The following GUCY2C variants were observed in gnomAD, a reference collection of about 807,000 sequenced individuals.
GUCY2C encodes the protein guanylyl cyclase C.
A neutral mutation model predicts 131.1 loss-of-function variants in GUCY2C; 118 were observed. The ratio of observed to expected loss-of-function variants is 0.90; its 90% CI spans 0.78 to 1.05. The LOEUF (loss-of-function observed/expected upper bound fraction) is 1.05, where lower values mean the gene tolerates loss of function less well. GUCY2C is among the 50% of genes least tolerant of loss of function. GUCY2C has a pLI of 0.00. For synonymous variants in GUCY2C, 452 were observed against 457.8 expected, an observed-to-expected ratio of 0.99 and a Z score of 0.16; for missense variants, 1,161 against 1,304.4, an observed-to-expected ratio of 0.89 and a Z score of 1.69.
intron 8 of GUCY2C, among the ~76,000 whole-genome samples, chr12:14,674,073 A>G (rs1948173181): frequency 6.6e-6 from 1 of 152,226 alleles, no homozygotes; most frequent in East Asian, 1.9e-4. Context: ...TTACATTTAG[A>G]GGAAAATTTC....
In GUCY2C at chr12:14,661,888, G is replaced by C. The variant is rs533901665; in HGVS notation, c.1283-826C>G. ...TGGGATTTTATTTACTAGAACACTAGTGGGTGGGTGGAGTTGTATAGATGG... is the reference window on the plus strand; with the variant it reads ...TGGGATTTTATTTACTAGAACACTACTGGGTGGGTGGAGTTGTATAGATGG... On this transcript the variant is annotated intron_variant, in intron 10 of 26. Transcript: ENST00000261170. 3.3e-5 allele frequency among the ~76,000 whole-genome samples: 5 copies of C among 152,292 alleles called. No individual in the cohort carries two copies. In the South Asian group the frequency reaches 1.0e-3, roughly 32 times the overall value.
At chr12:14,631,137 T>C (rs1947134680) in intron 19 of GUCY2C, among the ~76,000 whole-genome samples, 1 of 152,184 alleles carries the variant, frequency 6.6e-6, no homozygotes, top group South Asian at 2.1e-4. Context: ...CATCTGGCAG[T>C]GTCTTTGTAA....
rs779177049 is a variant in GUCY2C, at chr12:14,679,668, C to T, written c.819G>A (p.Val273=). The part of the protein sequence containing the change: ...AVAEDIVIIL[V]DLFNDQYFED... ...AATGTTATACCTACTTGAAAAGATC[C>T]ACTAGAATAATGACAATGTCTTCAG... Residue 273 remains valine, a synonymous_variant, in exon 6 of 27, where the codon GTG becomes GTA. Transcript: ENST00000261170. 2 of 1,535,400 alleles carry T rather than the reference C, an allele frequency of 1.3e-6. No individual in the cohort carries two copies. Among genetic ancestry groups the T allele is most frequent in the Admixed American group, 3.3e-5 (2 of 59,850 alleles).
chr12:14,663,356 C>T (rs922453612), intron 10 of GUCY2C, among the ~76,000 whole-genome samples: 5 of 152,232 alleles, frequency 3.3e-5, no homozygotes, highest in Admixed American at 3.3e-4. Flanking sequence ...GATCTCGGCT[C>T]ACCGCAACCT....
intron 1 of GUCY2C, among the ~76,000 whole-genome samples, chr12:14,690,314 A>C (rs1427321262): frequency 6.6e-6 from 1 of 152,318 alleles, no homozygotes; most frequent in African/African-American, 2.4e-5. Flanking sequence ...TCCCAAAGCC[A>C]AAGTGAATTA....
chr12:14,672,849 T>G, intron 9 of GUCY2C, 24 bp downstream of exon 9: 2 of 1,404,274 alleles, frequency 1.4e-6, no homozygotes, highest in Non-Finnish European at 2.0e-6. Flanking sequence ...CACCCTGAAT[T>G]TTCTGATAAG....
chr12:14,671,080 C>T (rs966582376), intron 9 of GUCY2C, among the ~76,000 whole-genome samples: 1 of 151,960 alleles, frequency 6.6e-6, no homozygotes, highest in Admixed American at 6.6e-5. Context: ...TCCCACAACA[C>T]GTGGGAATTC....
intron 3 of GUCY2C, among the ~76,000 whole-genome samples, chr12:14,683,498 T>A (rs1354264773): frequency 6.6e-6 from 1 of 152,224 alleles, no homozygotes. Flanking sequence ...GTGGCTTGGT[T>A]ACTTCGATTT....
At chr12:14,621,870 A>G in intron 22 of GUCY2C, 135 bp downstream of exon 22, 1 of 578,444 alleles carries the variant, frequency 1.7e-6, no homozygotes, top group East Asian at 3.4e-5. Flanking sequence ...CTTCACTTTT[A>G]GCTCAGATTC....
chr12:14,615,266 A>G (rs1399392634), intron 25 of GUCY2C, among the ~76,000 whole-genome samples: 1 of 152,170 alleles, frequency 6.6e-6, no homozygotes, highest in Non-Finnish European at 1.5e-5. Flanking sequence ...AAAGGAAGAA[A>G]ATTCATCTAC....
intron 10 of GUCY2C, chr12:14,665,935 A>G (rs1947969439): frequency 6.6e-6 from 1 of 152,264 alleles, no homozygotes; most frequent in South Asian, 2.1e-4. Context: ...GATTAAGGAC[A>G]CAGACGCAAA....
Position 14,621,047 on chromosome 12 carries a change from T to A in GUCY2C, c.2771A>T (p.His924Leu). ...TAAGATGCTCAACTCCATACCAGAG[T>A]GAACTCCAATGCGAATCCATATTGG... ...GLPIWIRIGV[H>L]SGPCAAGVVG... is the part of the protein sequence containing the mutation. The change falls in exon 23 of 27, where the codon CAC becomes CTC. Residue 924 changes from histidine (H) to leucine (L), a missense_variant. Coordinates refer to ENST00000261170, the MANE Select transcript of GUCY2C (RefSeq NM_004963.4). The A allele has an allele frequency of 6.2e-7, 1 of 1,613,412 alleles. No homozygotes were observed. Among genetic ancestry groups the A allele is most frequent in the South Asian group, 1.1e-5 (1 of 91,064 alleles).
Position 14,681,442 on chromosome 12 carries a change from A to C in GUCY2C, c.647T>G (p.Phe216Cys), listed in dbSNP as rs1448629114. 1 of 1,612,260 alleles carries C rather than the reference A, an allele frequency of 6.2e-7. No homozygotes were observed. The highest frequency in any genetic ancestry group is 8.5e-7 in the Non-Finnish European group (1 of 1,178,612). Residue 216 changes from phenylalanine to cysteine, a missense_variant, in exon 5 of 27, where the codon TTC becomes TGC. By Grantham distance (205) the Phe-to-Cys change is radical. Transcript: ENST00000261170. ...LNALEASVSYFSHELGFKVVL... is the reference protein window; with the variant it reads ...LNALEASVSYCSHELGFKVVL... ...CACCTTAAAGCCGAGTTCGTGGGAG[A>C]AATAGGAAACGCTAGCCTCCAGAGC...
rs555513552 is a variant in GUCY2C, at chr12:14,686,823, T to C, written c.331-598A>G. ...GATGTGGAGTTTATTGAACTATGCT[T>C]GTGCACACCTTACCTTCCCAAGATT... is the stretch of plus-strand genomic sequence containing the variant. On this transcript the variant is annotated intron_variant, in intron 2 of 26. Coordinates refer to ENST00000261170, the MANE Select transcript of GUCY2C (RefSeq NM_004963.4). Among the ~76,000 whole-genome samples, 7 of 152,310 alleles carry C rather than the reference T, an allele frequency of 4.6e-5. No individual in the cohort carries two copies. In the East Asian group the frequency reaches 1.3e-3, roughly 29 times the overall value.
intron 1 of GUCY2C, among the ~76,000 whole-genome samples, chr12:14,689,199 G>T (rs1279061795): frequency 6.6e-6 from 1 of 152,192 alleles, no homozygotes. Flanking sequence ...TTGCATTTAG[G>T]ATGTATTTTG....
intron 7 of GUCY2C, among the ~76,000 whole-genome samples, chr12:14,675,381 A>G (rs1358970111): frequency 6.6e-6 from 1 of 152,116 alleles, no homozygotes; most frequent in Non-Finnish European, 1.5e-5. Context: ...AAAACATACA[A>G]ATGCAACCAG....
chr12:14,652,186 T>G (rs1947675276), intron 13 of GUCY2C, among the ~76,000 whole-genome samples, 156 bp from the exon 14 acceptor site: 1 of 151,752 alleles, frequency 6.6e-6, no homozygotes, highest in African/African-American at 2.4e-5. Flanking sequence ...TATTTATTTA[T>G]TTTTTAAAGA....
At chr12:14,679,104 A>G (rs1948294450) in intron 6 of GUCY2C, among the ~76,000 whole-genome samples, 1 of 152,240 alleles carries the variant, frequency 6.6e-6, no homozygotes, top group African/African-American at 2.4e-5. Flanking sequence ...GCCATTAGCA[A>G]CTGAAGGAGA....
At chr12:14,643,433 T>G in intron 17 of GUCY2C, 141 bp downstream of exon 17, 4 of 684,164 alleles carry the variant, frequency 5.8e-6, no homozygotes, top group Non-Finnish European at 1.0e-5. Context: ...AAGTGTGAAG[T>G]TCTGGAGAAT....
Sources: allele counts gnomAD v4.1 joint callset (sites outside exome capture counted in the v4.1 genomes callset), GRCh38; gene constraint gnomAD v4.1.1; transcripts MANE v1.5; gene names NCBI Gene and HGNC (gene_info 2026-07-23, HGNC 2026-07-21).